DCC: variants seen among roughly 807,000 people sequenced by gnomAD.
The protein encoded by DCC is DCC netrin 1 receptor, also known as netrin receptor DCC.
A neutral mutation model predicts 172.5 loss-of-function variants in DCC; 58 were observed. The observed-to-expected ratio is 0.34, with a 90% CI of 0.27 to 0.42. The LOEUF (loss-of-function observed/expected upper bound fraction) is 0.42, where lower values mean the gene tolerates loss of function less well. DCC is among the 10% of genes least tolerant of loss of function. DCC has a pLI of 1.00. For synonymous variants in DCC, 709 were observed against 644.5 expected, an observed-to-expected ratio of 1.10 and a Z score of -1.52; for missense variants, 1,740 against 1,791.0, an observed-to-expected ratio of 0.97 and a Z score of 0.51.
chr18:52,913,461 C>A (rs1030784834), intron 3 of DCC, among the ~76,000 whole-genome samples: 2 of 152,004 alleles, frequency 1.3e-5, no homozygotes, highest in African/African-American at 4.8e-5. Context: ...GTCTATCATT[C>A]TAAAATTAGT....
intron 7 of DCC, among the ~76,000 whole-genome samples, chr18:53,135,556 C>T (rs547183837): frequency 2.4e-4 from 37 of 152,124 alleles, no homozygotes; most frequent in Non-Finnish European, 4.6e-4. Context: ...CAGTCTTCTT[C>T]CAGTGTGGGT....
intron 24 of DCC, among the ~76,000 whole-genome samples, chr18:53,464,241 C>G (rs2045592208): frequency 6.6e-6 from 1 of 152,086 alleles, no homozygotes; most frequent in South Asian, 2.1e-4. Context: ...ACAGAAGCAC[C>G]ACAGGATTAT....
intron 1 of DCC, among the ~76,000 whole-genome samples, chr18:52,406,685 T>C (rs1884015478): frequency 6.6e-6 from 1 of 152,100 alleles, no homozygotes; most frequent in African/African-American, 2.4e-5. Context: ...TTACAACTTG[T>C]ATGTTTGTAA....
At chr18:52,855,450 C>T (rs908331946) in intron 2 of DCC, among the ~76,000 whole-genome samples, 19 of 152,144 alleles carry the variant, frequency 1.2e-4, no homozygotes, top group African/African-American at 4.6e-4. Flanking sequence ...TAATTAATAA[C>T]ATAATGCCGT....
chr18:53,242,432 G>T (rs147640472), intron 12 of DCC, among the ~76,000 whole-genome samples: 1 of 151,998 alleles, frequency 6.6e-6, no homozygotes, highest in Non-Finnish European at 1.5e-5. Context: ...TTGTTCAATC[G>T]ATATCTGCTC....
At chr18:52,909,769 A>G (rs1331481811) in intron 3 of DCC, among the ~76,000 whole-genome samples, 1 of 152,128 alleles carries the variant, frequency 6.6e-6, no homozygotes, top group East Asian at 1.9e-4. Flanking sequence ...GATGTTTGCT[A>G]GGAATGAAAT....
At chr18:53,113,495 A>G (rs999313727) in intron 7 of DCC, among the ~76,000 whole-genome samples, 6 of 151,108 alleles carry the variant, frequency 4.0e-5, no homozygotes, top group African/African-American at 1.5e-4. Flanking sequence ...AACAGATTCT[A>G]TTTTTCTTTA....
chr18:52,631,934 C>T (rs2034685655), intron 1 of DCC, among the ~76,000 whole-genome samples: 1 of 152,152 alleles, frequency 6.6e-6, no homozygotes, highest in Admixed American at 6.5e-5. Flanking sequence ...GCCTCTGCTC[C>T]AGCTCTGATT....
chr18:53,033,817 C>T (rs1394997598), intron 5 of DCC, among the ~76,000 whole-genome samples: 1 of 152,082 alleles, frequency 6.6e-6, no homozygotes, highest in Non-Finnish European at 1.5e-5. Flanking sequence ...CTTATACAGT[C>T]TGTCTTCACT....
At chr18:53,039,092 T>C (rs1252373696) in intron 5 of DCC, among the ~76,000 whole-genome samples, 2 of 152,108 alleles carry the variant, frequency 1.3e-5, no homozygotes, top group South Asian at 2.1e-4. Flanking sequence ...CCCAATAGTT[T>C]TAGAAGCTGC....
At chr18:52,700,296 CCACACACACATG>C (rs2036097289) in intron 1 of DCC, among the ~76,000 whole-genome samples, 8 of 122,028 alleles carry the variant, frequency 6.6e-5, no homozygotes, top group South Asian at 5.7e-4. Flanking sequence ...ACATGCACAT[CCACACACACATG>C]CACACATGCA....
chr18:53,411,137 G>A (rs80101656), intron 20 of DCC, among the ~76,000 whole-genome samples: 65,183 of 151,378 alleles, frequency 0.43, 15,789 homozygotes, highest in Non-Finnish European at 0.55. Context: ...CTATAAAAAA[G>A]TTGCAATATG....
intron 1 of DCC, among the ~76,000 whole-genome samples, chr18:52,375,894 G>T (rs1289840108): frequency 2.0e-5 from 3 of 151,936 alleles, no homozygotes; most frequent in Non-Finnish European, 4.4e-5. Flanking sequence ...GATAGCTGTT[G>T]GGGTGCTAAG....
intron 2 of DCC, among the ~76,000 whole-genome samples, chr18:52,789,940 C>G (rs150570203): frequency 6.6e-6 from 1 of 152,132 alleles, no homozygotes; most frequent in Non-Finnish European, 1.5e-5. Context: ...TCAGGAGTCA[C>G]GCAGCTGAAG....
intron 2 of DCC, among the ~76,000 whole-genome samples, chr18:52,788,617 G>A (rs1001087780): frequency 5.9e-5 from 9 of 152,114 alleles, no homozygotes; most frequent in African/African-American, 1.9e-4. Flanking sequence ...ATCAATTAGA[G>A]CTCTTTTTGT....
At chr18:52,749,201 A>T (rs1273869998) in intron 1 of DCC, among the ~76,000 whole-genome samples, 1 of 152,122 alleles carries the variant, frequency 6.6e-6, no homozygotes, top group Non-Finnish European at 1.5e-5. Flanking sequence ...CCCAAAAAAA[A>T]GAAAAAAAAA....
At chr18:53,238,353 CTG>C (rs1365564661) in intron 12 of DCC, among the ~76,000 whole-genome samples, 1 of 152,138 alleles carries the variant, frequency 6.6e-6, no homozygotes, top group African/African-American at 2.4e-5. Flanking sequence ...TTCCATAAGA[CTG>C]TAACTATTTT....
At chr18:52,864,550 T>C (rs2039190813) in intron 2 of DCC, among the ~76,000 whole-genome samples, 1 of 152,136 alleles carries the variant, frequency 6.6e-6, no homozygotes. Flanking sequence ...AGTTCTGGGA[T>C]ATATGTGCAG....
chr18:53,086,048 C>T (rs2042882558), intron 7 of DCC, among the ~76,000 whole-genome samples: 4 of 362 alleles, frequency 0.011, no homozygotes, highest in Non-Finnish European at 0.015. Flanking sequence ...CTCTCCCTCT[C>T]CTTCTCCTTC....
Sources: allele counts gnomAD v4.1 joint callset (sites outside exome capture counted in the v4.1 genomes callset), GRCh38; gene constraint gnomAD v4.1.1; transcripts MANE v1.5; gene names NCBI Gene and HGNC (gene_info 2026-07-23, HGNC 2026-07-21).